Variants in ALOX12B observed in about 807,000 individuals in gnomAD.
The protein encoded by ALOX12B is arachidonate 12-lipoxygenase, 12R-type.
ALOX12B carries 47 observed loss-of-function variants against 78.9 expected under a neutral mutation model. That is an observed-to-expected ratio of 0.60 (90% CI 0.47 to 0.76). ALOX12B has a LOEUF of 0.76. Ranked by LOEUF, ALOX12B falls within the 30% of genes least tolerant of loss-of-function variation. ALOX12B has a pLI of 0.00. For missense variants in ALOX12B, 805 were observed against 922.6 expected (o/e 0.87, Z 1.65); for synonymous variants, 370 against 374.5 (o/e 0.99, Z 0.14).
intron 12 of ALOX12B, 55 bp downstream of exon 12, chr17:8,075,540 G>A: frequency 6.2e-7 from 1 of 1,612,258 alleles, no homozygotes; most frequent in South Asian, 1.1e-5. Flanking sequence ...GACCTGCCTG[G>A]GGGCTGCCCC....
In ALOX12B at chr17:8,087,582, C is replaced by T. The variant is rs1014562545; in HGVS notation, c.-140G>A. Reference sequence around the variant, plus strand: ...CCTCCGAGGTGCAGTGGTGAGGTGGCGAGGTGGGGTGACTAGGCCTGCCAG... The same window carrying T: ...CCTCCGAGGTGCAGTGGTGAGGTGGTGAGGTGGGGTGACTAGGCCTGCCAG... On this transcript the variant is annotated 5_prime_UTR_variant, in exon 1 of 15. Transcript: ENST00000647874. 23 of 1,424,606 alleles carry T rather than the reference C, an allele frequency of 1.6e-5. No homozygotes were observed. Among genetic ancestry groups the T allele is most frequent in the South Asian group, 9.6e-5 (8 of 83,676 alleles). The allele number at this position is 1,424,606 out of a possible 1,614,324, so 88.2% of individuals were successfully genotyped here.
Position 8,076,359 on chromosome 17 carries a change from G to C in ALOX12B, c.1363-15C>G, listed in dbSNP as rs1470753372. The C allele has an allele frequency of 2.5e-6, 4 of 1,586,122 alleles. No individual in the cohort carries two copies. The Middle Eastern group carries it at 5.0e-4, about 198-fold the overall frequency. ...AGGGACATGCCCTGTGAGGAAGGAG[G>C]CAGATCCTGGAGCCGGACAGGCATC... On this transcript the variant is annotated splice_polypyrimidine_tract_variant and intron_variant, in intron 10 of 14. Transcript: ENST00000647874.
chr17:8,079,660 G>A lies in ALOX12B; in HGVS notation c.927+109C>T. 6.5e-7 allele frequency: 1 copy of A among 1,534,580 alleles called. No homozygotes were observed. On this transcript the variant is annotated intron_variant, in intron 7 of 14. Coordinates refer to ENST00000647874, the MANE Select transcript of ALOX12B (RefSeq NM_001139.3). This position sits in a 1 kb window ranked among gnomAD's most constrained non-coding sequence, Gnocchi z 6.4. Reference sequence around the variant, plus strand: ...GGGTGGGACGGGGACAGGGACGCGGGGTGCGGGCTTGCCTGGGACTGGCGC... The same window carrying A: ...GGGTGGGACGGGGACAGGGACGCGGAGTGCGGGCTTGCCTGGGACTGGCGC...
At chr17:8,085,944 G>T in intron 2 of ALOX12B, 72 bp downstream of exon 2, 1 of 1,563,206 alleles carries the variant, frequency 6.4e-7, no homozygotes, top group Non-Finnish European at 8.8e-7. Flanking sequence ...GAGCCTGGGT[G>T]CCATGCCAGG....
intron 12 of ALOX12B, 62 bp downstream of exon 12, chr17:8,075,533 C>T: frequency 6.2e-7 from 1 of 1,611,632 alleles, no homozygotes; most frequent in Non-Finnish European, 8.5e-7. Flanking sequence ...CCTAGCAGAC[C>T]TGCCTGGGGG....
rs1977064087 is a variant in ALOX12B at position 8,075,672 on chromosome 17, G to T, written c.1577C>A (p.Ala526Asp). The T allele has an allele frequency of 1.9e-6, 3 of 1,614,080 alleles. No individual in the cohort carries two copies. Among genetic ancestry groups the T allele is most frequent in the Non-Finnish European group, 2.5e-6 (3 of 1,180,026 alleles). Residue 526 changes from alanine (A) to aspartate (D), a missense_variant, in exon 12 of 15, where the codon GCC (alanine) becomes GAC (aspartate). Ala to Asp is a moderately radical substitution (Grantham distance 126, BLOSUM62 -2). Transcript: ENST00000647874. The part of the protein sequence containing the change: ...IITYYYPSDA[A>D]VEGDPELQSW... ...CTGCAATTCCGGATCACCCTCCACGGCTGCGTCACTCGGGTAATAATAGGT... is the reference window on the plus strand; with the variant it reads ...CTGCAATTCCGGATCACCCTCCACGTCTGCGTCACTCGGGTAATAATAGGT...
intron 12 of ALOX12B, among the ~76,000 whole-genome samples, chr17:8,074,402 C>T (rs960985483): frequency 6.6e-6 from 1 of 152,126 alleles, no homozygotes; most frequent in Non-Finnish European, 1.5e-5. Context: ...AATGGATGAC[C>T]TACATCACGT....
chr17:8,074,874 C>T (rs527431117), intron 12 of ALOX12B, among the ~76,000 whole-genome samples: 1 of 152,322 alleles, frequency 6.6e-6, no homozygotes, highest in Non-Finnish European at 1.5e-5. Context: ...CGGAACTCTC[C>T]GTCCCCATCC....
At chr17:8,084,140 C>T (rs977386904) in intron 2 of ALOX12B, among the ~76,000 whole-genome samples, 3 of 145,508 alleles carry the variant, frequency 2.1e-5, no homozygotes, top group African/African-American at 7.7e-5. Context: ...GGCGACAGAG[C>T]GAGACTCCAT....
intron 13 of ALOX12B, 133 bp from the exon 14 acceptor site, chr17:8,073,451 G>A: frequency 7.6e-7 from 1 of 1,309,508 alleles, no homozygotes; most frequent in South Asian, 1.2e-5. Flanking sequence ...GGGCTGGGTT[G>A]GTTAGACTGG....
Position 8,072,801 on chromosome 17 carries a change from C to G in ALOX12B, c.2076G>C (p.Pro692=). The change falls in exon 15 of 15, where the codon CCG becomes CCC. Residue 692 remains proline (P), a synonymous_variant. Coordinates refer to ENST00000647874, the MANE Select transcript of ALOX12B (RefSeq NM_001139.3). Reference sequence around the variant, plus strand: ...TAGAAATGCTGTTCTCAATCAGCACCGGGTCCAGGTAGTAGTAGGGGATGG... The same window carrying G: ...TAGAAATGCTGTTCTCAATCAGCACGGGGTCCAGGTAGTAGTAGGGGATGG... ...CLPIPYYYLD[P]VLIENSISI is the part of the protein sequence containing the mutation. The G allele has an allele frequency of 6.2e-7, 1 of 1,614,208 alleles. No homozygotes were observed. Among genetic ancestry groups the G allele is most frequent in the Non-Finnish European group, 8.5e-7 (1 of 1,180,038 alleles).
chr17:8,079,724 G>T lies in ALOX12B; in HGVS notation c.927+45C>A, dbSNP rs759689289. On this transcript the variant is annotated intron_variant, in intron 7 of 14. Transcript: ENST00000647874. The surrounding 1 kb of genome is among the most constrained non-coding windows in gnomAD (Gnocchi z 6.4). ...GGGGAGAGACGGGGATGCCCGCGAG[G>T]GAGGCCGGGAGGAGGGCCGGGGTCT... 1 of 1,589,262 alleles carries T rather than the reference G, an allele frequency of 6.3e-7. No homozygotes were observed. Among genetic ancestry groups the T allele is most frequent in the Non-Finnish European group, 8.6e-7 (1 of 1,169,508 alleles).
In ALOX12B at chr17:8,079,867, T is replaced by G. The variant is rs762615258; in HGVS notation, c.829A>C (p.Ile277Leu). Residue 277 changes from isoleucine to leucine, a missense_variant, in exon 7 of 15, where the codon ATC becomes CTC. Physicochemically the swap from Ile to Leu is conservative, Grantham distance 5. Transcript: ENST00000647874. The surrounding 1 kb of genome is among the most constrained non-coding windows in gnomAD (Gnocchi z 6.4). ...TCTGGGATCCGCGTGCAGCGGCGGA[T>G]CAGGCCGGGGTTGACGCCGTTGAGG... ...QYLNGVNPGL[I>L]RRCTRIPDKF... 1.2e-6 allele frequency: 2 copies of G among 1,613,430 alleles called. No individual in the cohort carries two copies. The highest frequency in any genetic ancestry group is 1.7e-6 in the Non-Finnish European group (2 of 1,179,932).
chr17:8,073,623 C>G (rs1770173319), intron 13 of ALOX12B, 34 bp downstream of exon 13: 6 of 1,590,546 alleles, frequency 3.8e-6, no homozygotes, highest in Non-Finnish European at 5.2e-6. Context: ...GTCTGAGCCT[C>G]GGGCTGGGCC....
intron 1 of ALOX12B, 53 bp downstream of exon 1, chr17:8,087,243 C>CACACACACACACAG (rs1244116135): frequency 1.5e-4 from 215 of 1,440,022 alleles, no homozygotes; most frequent in East Asian, 2.9e-4. Context: ...CACAGACACA[C>CACACACACACACAG]ACACACACAC....
intron 2 of ALOX12B, 79 bp downstream of exon 2, chr17:8,085,937 C>T (rs2151824805): frequency 6.5e-7 from 1 of 1,548,142 alleles, no homozygotes; most frequent in Non-Finnish European, 8.9e-7. Context: ...TTGATGGGAG[C>T]CTGGGTGCCA....
At chr17:8,073,395 G>C in intron 13 of ALOX12B, 77 bp from the exon 14 acceptor site, 1 of 1,584,778 alleles carries the variant, frequency 6.3e-7, no homozygotes, top group Non-Finnish European at 8.6e-7. Context: ...CTGACCACCC[G>C]CCCTCCAGTC....
At chr17:8,078,118 T>C (rs888016366) in intron 8 of ALOX12B, among the ~76,000 whole-genome samples, 15 of 70,278 alleles carry the variant, frequency 2.1e-4, no homozygotes, top group African/African-American at 1.1e-3. Context: ...TATTTCATTT[T>C]ATTTATTTAT....
At chr17:8,075,214 G>A (rs1028769939) in intron 12 of ALOX12B, among the ~76,000 whole-genome samples, 2 of 152,170 alleles carry the variant, frequency 1.3e-5, no homozygotes, top group African/African-American at 4.8e-5. Flanking sequence ...ACCTCAGGGC[G>A]CTTTCACCCT....
Sources: allele counts gnomAD v4.1 joint callset (sites outside exome capture counted in the v4.1 genomes callset), GRCh38; gene constraint gnomAD v4.1.1; non-coding constraint Gnocchi (gnomAD v3.1); transcripts MANE v1.5; gene names NCBI Gene and HGNC (gene_info 2026-07-23, HGNC 2026-07-21).